Variants in CNTN5 observed in about 807,000 individuals in gnomAD.
CNTN5 encodes contactin-5.
CNTN5 carries 77 observed loss-of-function variants against 129.1 expected under a neutral mutation model. That is an observed-to-expected ratio of 0.60 (90% CI 0.50 to 0.72). The LOEUF is 0.72. Among genes scored for constraint, CNTN5 ranks in the 30% least tolerant of loss-of-function variants. The pLI is 0.00. For missense variants in CNTN5, 1,478 were observed against 1,328.8 expected, an observed-to-expected ratio of 1.11 and a Z score of -1.75; for synonymous variants, 509 against 465.6, an observed-to-expected ratio of 1.09 and a Z score of -1.20.
At chr11:99,113,063 A>G (rs2135386873) in intron 1 of CNTN5, among the ~76,000 whole-genome samples, 1 of 152,150 alleles carries the variant, frequency 6.6e-6, no homozygotes, top group Non-Finnish European at 1.5e-5. Flanking sequence ...ATAGTTTCCC[A>G]TTCAGGCAAA....
At chr11:99,485,016 A>T (rs1945754566) in intron 2 of CNTN5, among the ~76,000 whole-genome samples, 1 of 152,140 alleles carries the variant, frequency 6.6e-6, no homozygotes, top group Admixed American at 6.5e-5. Context: ...GCTCTGTAGG[A>T]TGACTATAGT....
At chr11:99,123,454 T>C (rs1242458422) in intron 1 of CNTN5, among the ~76,000 whole-genome samples, 1 of 152,128 alleles carries the variant, frequency 6.6e-6, no homozygotes, top group Non-Finnish European at 1.5e-5. Flanking sequence ...CTTTGTCAGA[T>C]GCATAGTTTG....
chr11:99,927,375 A>G (rs1950086603), intron 7 of CNTN5, among the ~76,000 whole-genome samples: 1 of 152,132 alleles, frequency 6.6e-6, no homozygotes, highest in Non-Finnish European at 1.5e-5. Flanking sequence ...ACTATATCAT[A>G]TGGTCCTTAC....
chr11:99,767,993 T>TATCA (rs1312635501), intron 3 of CNTN5, among the ~76,000 whole-genome samples: 2 of 152,254 alleles, frequency 1.3e-5, no homozygotes, highest in South Asian at 4.1e-4. Context: ...CATCTGCTTC[T>TATCA]ATCAGTAGTT....
At chr11:99,753,312 T>C (rs532667776) in intron 3 of CNTN5, among the ~76,000 whole-genome samples, 4 of 151,208 alleles carry the variant, frequency 2.6e-5, no homozygotes, top group Non-Finnish European at 1.5e-5. Context: ...TTAGTAGAGA[T>C]GGGGTTTCAC....
intron 2 of CNTN5, among the ~76,000 whole-genome samples, chr11:99,363,448 C>T (rs1939249294): frequency 6.6e-6 from 1 of 152,054 alleles, no homozygotes. Flanking sequence ...ATTTGATACT[C>T]ACATTTACAT....
intron 1 of CNTN5, among the ~76,000 whole-genome samples, chr11:99,080,972 A>G (rs1296310273): frequency 7.1e-6 from 1 of 141,248 alleles, no homozygotes; most frequent in African/African-American, 2.7e-5. Flanking sequence ...CCACCTACTG[A>G]GAAATCAGTT....
chr11:100,157,986 G>T (rs1430519648), intron 13 of CNTN5, among the ~76,000 whole-genome samples: 1 of 151,666 alleles, frequency 6.6e-6, no homozygotes, highest in Non-Finnish European at 1.5e-5. Context: ...ATATCTTAAT[G>T]ACCTTGGAGT....
intron 1 of CNTN5, among the ~76,000 whole-genome samples, chr11:99,089,993 AAGGT>A (rs1413356109): frequency 2.0e-5 from 3 of 152,184 alleles, no homozygotes; most frequent in African/African-American, 7.2e-5. Flanking sequence ...GAACGTACCT[AAGGT>A]AATATACCAC....
intron 2 of CNTN5, among the ~76,000 whole-genome samples, chr11:99,459,045 T>G (rs6590141): frequency 0.2 from 30,057 of 152,010 alleles, 3,152 homozygotes; most frequent in Admixed American, 0.24. Context: ...GGTAAACTAC[T>G]AAAATGTTTT....
At chr11:100,329,358 A>G (rs995331835) in intron 21 of CNTN5, among the ~76,000 whole-genome samples, 1 of 152,158 alleles carries the variant, frequency 6.6e-6, no homozygotes, top group African/African-American at 2.4e-5. Flanking sequence ...CTGGTAGCCA[A>G]AGACAAAGGT....
At chr11:100,044,643 A>G (rs1450476425) in intron 9 of CNTN5, among the ~76,000 whole-genome samples, 1 of 151,730 alleles carries the variant, frequency 6.6e-6, no homozygotes, top group Non-Finnish European at 1.5e-5. Context: ...AAAAATGTCT[A>G]TGCATATTCT....
intron 16 of CNTN5, among the ~76,000 whole-genome samples, chr11:100,236,698 G>T (rs1949621058): frequency 6.6e-6 from 1 of 151,970 alleles, no homozygotes; most frequent in Non-Finnish European, 1.5e-5. Flanking sequence ...CCTTTCCTCT[G>T]ATTGCCTGCA....
At chr11:99,813,475 G>C (rs554880565) in intron 3 of CNTN5, among the ~76,000 whole-genome samples, 51 of 152,154 alleles carry the variant, frequency 3.4e-4, no homozygotes, top group Non-Finnish European at 6.8e-4. Flanking sequence ...ACCACAAAAA[G>C]AGAGTAGAGA....
intron 8 of CNTN5, among the ~76,000 whole-genome samples, chr11:99,986,502 C>G (rs546041394): frequency 1.3e-5 from 2 of 152,200 alleles, no homozygotes; most frequent in African/African-American, 4.8e-5. Context: ...GACTCCATCT[C>G]TTCTTACCTA....
At chr11:99,432,661 G>T (rs891298928) in intron 2 of CNTN5, among the ~76,000 whole-genome samples, 5 of 151,706 alleles carry the variant, frequency 3.3e-5, no homozygotes, top group African/African-American at 1.2e-4. Flanking sequence ...AGCTGCTAGG[G>T]TCTATATAGT....
At chr11:100,323,021 C>A (rs749106230) in intron 21 of CNTN5, among the ~76,000 whole-genome samples, 1 of 152,174 alleles carries the variant, frequency 6.6e-6, no homozygotes, top group Admixed American at 6.5e-5. Flanking sequence ...TTTCACAGAA[C>A]ATATCTCATT....
At chr11:99,217,250 A>G (rs574423032) in intron 1 of CNTN5, among the ~76,000 whole-genome samples, 18 of 120,158 alleles carry the variant, frequency 1.5e-4, no homozygotes, top group African/African-American at 4.6e-4. Context: ...AAATAATATG[A>G]GTAAAATATC....
At chr11:99,076,775 C>T (rs546949126) in intron 1 of CNTN5, among the ~76,000 whole-genome samples, 52 of 152,134 alleles carry the variant, frequency 3.4e-4, no homozygotes, top group African/African-American at 1.1e-3. Context: ...GAAAATCAAT[C>T]TTATTTGTAT....
Sources: allele counts gnomAD v4.1 joint callset (sites outside exome capture counted in the v4.1 genomes callset), GRCh38; gene constraint gnomAD v4.1.1; transcripts MANE v1.5; gene names NCBI Gene and HGNC (gene_info 2026-07-23, HGNC 2026-07-21).